Variants in BLTP2 observed in about 807,000 individuals in gnomAD.
The protein encoded by BLTP2 is U937-associated antigen.
the BLTP2 span, among the ~76,000 whole-genome samples, chr17:28,630,606 A>G: frequency 6.7e-6 from 1 of 150,172 alleles, no homozygotes; most frequent in East Asian, 2.0e-4. Context: ...TCAACCTCCC[A>G]AGTAGCTGGA....
At chr17:28,621,369 C>G in the BLTP2 span, 1 of 1,575,488 alleles carries the variant, frequency 6.3e-7, no homozygotes, top group Non-Finnish European at 8.7e-7. Flanking sequence ...TGCTCCTAAT[C>G]ATTTGATGCA....
chr17:28,616,323 C>G, the BLTP2 span: 3 of 1,612,786 alleles, frequency 1.9e-6, no homozygotes, highest in African/African-American at 4.0e-5. The surrounding 1 kb of genome is among the most constrained non-coding windows in gnomAD (Gnocchi z 4.8). Flanking sequence ...CCAAGCCACA[C>G]CAAACAGGAC....
chr17:28,639,378 A>G, the BLTP2 span: 1 of 1,614,110 alleles, frequency 6.2e-7, no homozygotes, highest in Non-Finnish European at 8.5e-7. Context: ...TAGCAGGTGC[A>G]GCCAGTGAGA....
the BLTP2 span, chr17:28,632,151 A>G: frequency 6.2e-7 from 1 of 1,614,194 alleles, no homozygotes. Flanking sequence ...CCCTGCAGAT[A>G]GGCCTTGTGA....
At chr17:28,618,746 G>C in the BLTP2 span, 16 of 1,517,744 alleles carry the variant, frequency 1.1e-5, no homozygotes, top group Non-Finnish European at 1.4e-5. Flanking sequence ...CTAGGTCAAT[G>C]TCTCTCAATA....
chr17:28,627,739 C>A, the BLTP2 span, among the ~76,000 whole-genome samples: 1 of 151,948 alleles, frequency 6.6e-6, no homozygotes, highest in South Asian at 2.1e-4. Flanking sequence ...TCTATCACCT[C>A]CACCTCCTGG....
At chr17:28,635,112 C>T in the BLTP2 span, 1,694 of 1,613,726 alleles carry the variant, frequency 1.0e-3, 11 homozygotes, top group African/African-American at 0.017. Context: ...GAAACTCCAC[C>T]GAGACTGAGC....
chr17:28,631,847 G>A, the BLTP2 span: 5 of 1,614,092 alleles, frequency 3.1e-6, no homozygotes, highest in South Asian at 1.1e-5. Flanking sequence ...TGAGTCCCCC[G>A]AGTGAAGACA....
the BLTP2 span, chr17:28,640,704 C>T: frequency 1.1e-5 from 18 of 1,612,616 alleles, no homozygotes; most frequent in African/African-American, 1.9e-4. Flanking sequence ...GAATGAATAA[C>T]GTAAGAACCA....
the BLTP2 span, among the ~76,000 whole-genome samples, chr17:28,618,066 G>A: frequency 2.7e-5 from 4 of 150,860 alleles, no homozygotes; most frequent in African/African-American, 9.8e-5. Flanking sequence ...TCAAGCAACT[G>A]GGACCACAGG....
chr17:28,616,070 C>A, the BLTP2 span: 1 of 1,571,744 alleles, frequency 6.4e-7, no homozygotes. The surrounding 1 kb of genome is among the most constrained non-coding windows in gnomAD (Gnocchi z 4.8). Context: ...CCACCCTGTT[C>A]TACAAAGTGC....
At chr17:28,639,026 G>C in the BLTP2 span, 2 of 481,278 alleles carry the variant, frequency 4.2e-6, no homozygotes, top group African/African-American at 3.9e-5. Flanking sequence ...TACAATCAAA[G>C]GCAGGCAAGA....
At chr17:28,616,218 G>A in the BLTP2 span, 3 of 1,607,778 alleles carry the variant, frequency 1.9e-6, no homozygotes, top group Admixed American at 1.7e-5. The surrounding 1 kb of genome is among the most constrained non-coding windows in gnomAD (Gnocchi z 4.8). Flanking sequence ...CAGGCAAGGA[G>A]TGTGAGCCCT....
chr17:28,624,160 T>C, the BLTP2 span: 1 of 1,526,940 alleles, frequency 6.5e-7, no homozygotes, highest in Non-Finnish European at 8.9e-7. Flanking sequence ...CATTCATATT[T>C]AGAGGTGGGG....
At chr17:28,643,534 G>A in the BLTP2 span, 12 of 1,469,848 alleles carry the variant, frequency 8.2e-6, no homozygotes, top group Non-Finnish European at 1.1e-5. Flanking sequence ...TGATGCCTCT[G>A]CAGAAGAGTG....
At chr17:28,645,118 T>G in the BLTP2 span, 1 of 1,482,674 alleles carries the variant, frequency 6.7e-7, no homozygotes, top group Non-Finnish European at 9.1e-7. Context: ...CGACGCCGGA[T>G]CCGCGCAGCA....
At chr17:28,643,229 G>C in the BLTP2 span, 13 of 1,614,136 alleles carry the variant, frequency 8.1e-6, no homozygotes, top group Non-Finnish European at 1.1e-5. Flanking sequence ...CCAGCGCTCT[G>C]GGAGAATGGG....
At chr17:28,634,130 C>G in the BLTP2 span, 1 of 1,550,786 alleles carries the variant, frequency 6.4e-7, no homozygotes, top group South Asian at 1.1e-5. Flanking sequence ...CAGGGGCAGT[C>G]TGAGCACTCT....
the BLTP2 span, among the ~76,000 whole-genome samples, chr17:28,625,787 T>TG: frequency 6.6e-6 from 1 of 152,136 alleles, no homozygotes; most frequent in Admixed American, 6.5e-5. Context: ...TCCCTTGAGA[T>TG]GGAGTTTCAC....
Sources: gnomAD v4.1 joint callset for allele counts (sites outside exome capture counted in the v4.1 genomes callset) on GRCh38, gnomAD v4.1.1 for gene constraint, Gnocchi (gnomAD v3.1) non-coding constraint, MANE v1.5 for transcripts, NCBI Gene and HGNC (gene_info 2026-07-23, HGNC 2026-07-21) for gene names.